Variants in FHIT observed in about 807,000 individuals in gnomAD.
FHIT encodes bis(5'-adenosyl)-triphosphatase.
FHIT carries 19 observed loss-of-function variants against 17.9 expected under a neutral mutation model. The ratio of observed to expected loss-of-function variants is 1.06; its 90% CI spans 0.74 to 1.56. The LOEUF (loss-of-function observed/expected upper bound fraction) is 1.56. FHIT is among the 40% of genes most tolerant of loss of function. The pLI is 0.00. For synonymous variants in FHIT, 81 were observed against 69.7 expected (o/e 1.16, Z -0.81); for missense variants, 248 against 189.2 (o/e 1.31, Z -1.82).
intron 5 of FHIT, among the ~76,000 whole-genome samples, chr3:60,135,197 G>A (rs528024848): frequency 2.0e-5 from 3 of 152,242 alleles, no homozygotes; most frequent in African/African-American, 7.2e-5. Flanking sequence ...CACTGATGAA[G>A]CTTTTCTATT....
intron 3 of FHIT, among the ~76,000 whole-genome samples, chr3:60,898,387 G>A (rs1230876977): frequency 6.6e-6 from 1 of 152,178 alleles, no homozygotes; most frequent in Non-Finnish European, 1.5e-5. Flanking sequence ...ATGTGGAATT[G>A]CAGGATTAAA....
chr3:60,500,771 TAAAAAAAAAA>T lies in FHIT; in HGVS notation c.103+36079_103+36088del, dbSNP rs71092606. Among the ~76,000 whole-genome samples the T allele has an allele frequency of 9.3e-5, 6 of 64,864 alleles. No homozygotes were observed. The East Asian group carries it at 1.3e-3, about 14-fold the overall frequency. The allele number at this position is 64,864 out of a possible 152,430, so 42.6% of individuals were successfully genotyped here. A position where few individuals can be genotyped will look rare whatever the true frequency, so the allele number is the denominator to read the frequency against. On this transcript the variant is annotated intron_variant, in intron 5 of 9. Transcript: ENST00000492590. ...CTGGGTGACAGAGTGAGCATCCATC[TAAAAAAAAAA>T]AAAAAAAAAAAAAAAATTGTATTGG...
intron 5 of FHIT, among the ~76,000 whole-genome samples, chr3:60,481,884 T>C (rs575952382): frequency 2.0e-5 from 3 of 152,012 alleles, no homozygotes; most frequent in East Asian, 1.9e-4. Context: ...GACTGGCAAA[T>C]TGGATAAAGA....
intron 5 of FHIT, among the ~76,000 whole-genome samples, chr3:60,079,864 C>A (rs377604177): frequency 1.4e-4 from 21 of 151,968 alleles, no homozygotes; most frequent in African/African-American, 5.1e-4. Flanking sequence ...TTCATCAGAT[C>A]TGAAAAAAAT....
chr3:60,706,325 A>G (rs1439736688), intron 4 of FHIT, among the ~76,000 whole-genome samples: 1 of 152,204 alleles, frequency 6.6e-6, no homozygotes, highest in Admixed American at 6.5e-5. Flanking sequence ...TGATGGGTGC[A>G]GCAAACCACC....
chr3:60,097,598 G>A (rs1448521945), intron 5 of FHIT, among the ~76,000 whole-genome samples: 2 of 151,820 alleles, frequency 1.3e-5, no homozygotes, highest in Non-Finnish European at 2.9e-5. Context: ...AAGACGATAA[G>A]GATGAAAAGT....
At chr3:60,335,849 A>C (rs990238775) in intron 5 of FHIT, among the ~76,000 whole-genome samples, 1 of 151,932 alleles carries the variant, frequency 6.6e-6, no homozygotes, top group African/African-American at 2.4e-5. Context: ...TAAAGAACTT[A>C]AAAAAAATGG....
intron 2 of FHIT, among the ~76,000 whole-genome samples, chr3:61,169,089 A>T (rs1398042577): frequency 5.3e-5 from 8 of 152,066 alleles, no homozygotes; most frequent in Non-Finnish European, 7.4e-5. Flanking sequence ...GAAGGAAAAA[A>T]ATTATTACAT....
intron 7 of FHIT, among the ~76,000 whole-genome samples, chr3:59,947,718 G>A (rs1706885475): frequency 6.6e-6 from 1 of 152,104 alleles, no homozygotes; most frequent in Non-Finnish European, 1.5e-5. Context: ...GTGCTGGAGG[G>A]GCATAGGTGT....
chr3:60,138,112 G>C (rs770283290), intron 5 of FHIT, among the ~76,000 whole-genome samples: 3 of 152,148 alleles, frequency 2.0e-5, no homozygotes, highest in Admixed American at 6.5e-5. Flanking sequence ...ATCGAAGATC[G>C]TCCACTGTAA....
chr3:60,595,057 C>T (rs1396194279), intron 4 of FHIT, among the ~76,000 whole-genome samples: 1 of 152,102 alleles, frequency 6.6e-6, no homozygotes, highest in Non-Finnish European at 1.5e-5. Flanking sequence ...AGGCGTCTAC[C>T]TGGCCAAGCA....
At chr3:60,690,505 C>G (rs374768253) in intron 4 of FHIT, 3 of 563,552 alleles carry the variant, frequency 5.3e-6, no homozygotes, top group Non-Finnish European at 1.1e-5. Flanking sequence ...GCTACCAGTG[C>G]CATTATGGCA....
intron 5 of FHIT, among the ~76,000 whole-genome samples, chr3:60,473,356 T>C (rs57865322): frequency 0.038 from 5,755 of 152,146 alleles, 354 homozygotes; most frequent in African/African-American, 0.13. Flanking sequence ...GGGAGCTCAA[T>C]TAAGAACCTA....
At chr3:60,609,480 C>A (rs1441796889) in intron 4 of FHIT, among the ~76,000 whole-genome samples, 1 of 152,052 alleles carries the variant, frequency 6.6e-6, no homozygotes, top group Non-Finnish European at 1.5e-5. Flanking sequence ...TGTGTGCCAC[C>A]ACACCCAGCT....
intron 7 of FHIT, among the ~76,000 whole-genome samples, chr3:59,952,562 A>C (rs1707172831): frequency 1.3e-5 from 2 of 152,148 alleles, no homozygotes; most frequent in Non-Finnish European, 2.9e-5. Flanking sequence ...TAGAGTCTAT[A>C]TGCCACATTC....
At chr3:60,090,808 T>A (rs1000072432) in intron 5 of FHIT, among the ~76,000 whole-genome samples, 6 of 152,172 alleles carry the variant, frequency 3.9e-5, no homozygotes, top group Admixed American at 2.0e-4. Flanking sequence ...TGTTACTACT[T>A]CTTAGAAGCA....
At chr3:61,007,018 T>C (rs943094516) in intron 3 of FHIT, among the ~76,000 whole-genome samples, 2 of 152,258 alleles carry the variant, frequency 1.3e-5, no homozygotes, top group Non-Finnish European at 2.9e-5. Context: ...ATATTAATTG[T>C]TGCCTCTTTC....
intron 5 of FHIT, among the ~76,000 whole-genome samples, chr3:60,289,892 T>C (rs1707904036): frequency 6.6e-6 from 1 of 152,186 alleles, no homozygotes; most frequent in African/African-American, 2.4e-5. Context: ...CATTTAGTTA[T>C]TCTCTCTGCA....
chr3:60,219,381 A>G (rs1343694425), intron 5 of FHIT, among the ~76,000 whole-genome samples: 1 of 152,160 alleles, frequency 6.6e-6, no homozygotes, highest in African/African-American at 2.4e-5. Context: ...ATAAATAATA[A>G]AAGTTGGGAG....
Sources: allele counts gnomAD v4.1 joint callset (sites outside exome capture counted in the v4.1 genomes callset), GRCh38; gene constraint gnomAD v4.1.1; transcripts MANE v1.5; gene names NCBI Gene and HGNC (gene_info 2026-07-23, HGNC 2026-07-21).